Variants in CACNA2D1 observed in about 807,000 individuals in gnomAD.
The protein encoded by CACNA2D1 is calcium voltage-gated channel auxiliary subunit alpha2delta 1, also known as voltage-dependent calcium channel subunit alpha-2/delta-1.
CACNA2D1 carries 53 observed loss-of-function variants against 171.5 expected under a neutral mutation model. The observed-to-expected ratio is 0.31, with a 90% CI of 0.25 to 0.39. The LOEUF (loss-of-function observed/expected upper bound fraction) is 0.39, where lower values mean the gene tolerates loss of function less well. Among genes scored for constraint, CACNA2D1 ranks in the 10% least tolerant of loss-of-function variants. The pLI is 1.00. For missense variants in CACNA2D1, 903 were observed against 1,299.8 expected (o/e 0.69, Z 4.69); for synonymous variants, 442 against 443.1 (o/e 1.00, Z 0.03).
chr7:82,346,755 G>T (rs1265825165), intron 2 of CACNA2D1, among the ~76,000 whole-genome samples: 1 of 151,858 alleles, frequency 6.6e-6, no homozygotes, highest in East Asian at 1.9e-4. Context: ...CAGAGCTTTG[G>T]CTTCTTCTAA....
chr7:81,959,270 C>G lies in CACNA2D1; in HGVS notation c.3159+5G>C. ...TATTTTAATCCAGTAGAAGTGTGAT[C>G]TTACCAAGACATTGTTATCAAAGCA... On this transcript the variant is annotated splice_donor_5th_base_variant and intron_variant, in intron 38 of 38. Coordinates refer to ENST00000356860, the MANE Select transcript of CACNA2D1 (RefSeq NM_000722.4). 6.3e-7 allele frequency: 1 copy of G among 1,582,606 alleles called. No individual in the cohort carries two copies. The highest frequency in any genetic ancestry group is 8.7e-7 in the Non-Finnish European group (1 of 1,151,390).
intron 1 of CACNA2D1, among the ~76,000 whole-genome samples, chr7:82,396,729 C>A (rs1329455633): frequency 6.6e-6 from 1 of 152,162 alleles, no homozygotes; most frequent in African/African-American, 2.4e-5. Context: ...TGAAGGAAAT[C>A]TAACTATAAT....
chr7:82,250,880 A>G (rs1805546968), intron 3 of CACNA2D1, among the ~76,000 whole-genome samples: 1 of 152,166 alleles, frequency 6.6e-6, no homozygotes, highest in Non-Finnish European at 1.5e-5. Context: ...ATCAAAAATC[A>G]CTTACAGTTT....
At chr7:82,062,795 G>T (rs1415948303) in intron 9 of CACNA2D1, among the ~76,000 whole-genome samples, 1 of 132,702 alleles carries the variant, frequency 7.5e-6, no homozygotes, top group African/African-American at 2.9e-5. Flanking sequence ...AGGCTGGAGT[G>T]CAGGGTATGA....
chr7:82,360,131 C>G (rs1404443803), intron 1 of CACNA2D1, among the ~76,000 whole-genome samples: 2 of 152,160 alleles, frequency 1.3e-5, no homozygotes, highest in South Asian at 2.1e-4. Context: ...GTTTGGTTTT[C>G]ATTGTTAAAC....
intron 1 of CACNA2D1, among the ~76,000 whole-genome samples, chr7:82,377,093 T>C (rs1823101235): frequency 1.3e-5 from 2 of 152,178 alleles, no homozygotes; most frequent in African/African-American, 4.8e-5. Context: ...CTAGAGCTAA[T>C]CCATTATTCA....
At chr7:82,431,534 G>A (rs1829673208) in intron 1 of CACNA2D1, among the ~76,000 whole-genome samples, 1 of 152,120 alleles carries the variant, frequency 6.6e-6, no homozygotes, top group Admixed American at 6.6e-5. Flanking sequence ...AGCCAGGCGA[G>A]ATAATAGATG....
chr7:82,054,288 A>T (rs181666630), intron 10 of CACNA2D1, among the ~76,000 whole-genome samples: 1 of 152,324 alleles, frequency 6.6e-6, no homozygotes, highest in African/African-American at 2.4e-5. Flanking sequence ...CCATTTTTCC[A>T]TTCATGTCAA....
intron 4 of CACNA2D1, among the ~76,000 whole-genome samples, chr7:82,139,755 T>C (rs1243317369): frequency 6.6e-6 from 1 of 151,634 alleles, no homozygotes; most frequent in Admixed American, 6.6e-5. Flanking sequence ...CATACTCCTT[T>C]CTTGTTACTA....
intron 1 of CACNA2D1, among the ~76,000 whole-genome samples, chr7:82,438,956 A>G (rs1176624807): frequency 2.0e-5 from 3 of 152,198 alleles, no homozygotes; most frequent in Non-Finnish European, 4.4e-5. Context: ...TACGTTAGAA[A>G]TGCTTATGTC....
intron 10 of CACNA2D1, among the ~76,000 whole-genome samples, chr7:82,056,713 G>A (rs748654812): frequency 3.3e-5 from 5 of 152,042 alleles, no homozygotes; most frequent in Non-Finnish European, 7.4e-5. Context: ...TTATTATATT[G>A]CATTTTACCC....
chr7:82,235,420 A>G (rs529156320), intron 3 of CACNA2D1, among the ~76,000 whole-genome samples: 1 of 152,238 alleles, frequency 6.6e-6, no homozygotes, highest in South Asian at 2.1e-4. Context: ...ACTTTCCCTG[A>G]TGGGAGGGGC....
At chr7:82,237,341 A>C (rs1803715558) in intron 3 of CACNA2D1, among the ~76,000 whole-genome samples, 1 of 151,930 alleles carries the variant, frequency 6.6e-6, no homozygotes, top group South Asian at 2.1e-4. Context: ...TAGATCAGCA[A>C]ATTTTTACTG....
At chr7:82,137,501 A>G (rs1020017114) in intron 4 of CACNA2D1, among the ~76,000 whole-genome samples, 5 of 152,030 alleles carry the variant, frequency 3.3e-5, no homozygotes, top group Admixed American at 3.3e-4. Context: ...CATCTTCCAC[A>G]TGTCTTCAAG....
chr7:81,960,256 G>T (rs151078632), intron 36 of CACNA2D1, among the ~76,000 whole-genome samples: 2 of 152,052 alleles, frequency 1.3e-5, no homozygotes, highest in East Asian at 3.9e-4. Flanking sequence ...GAAAAGTCTG[G>T]AACAGTGCTA....
intron 1 of CACNA2D1, among the ~76,000 whole-genome samples, chr7:82,374,310 C>A (rs1204439518): frequency 6.6e-6 from 1 of 152,198 alleles, no homozygotes. Flanking sequence ...CAATACAAAA[C>A]AATATAATTG....
chr7:82,138,453 T>G (rs1241681334), intron 4 of CACNA2D1, among the ~76,000 whole-genome samples: 8 of 118,158 alleles, frequency 6.8e-5, no homozygotes, highest in African/African-American at 2.5e-4. Flanking sequence ...TTTTTTGTTT[T>G]TTTTTTTTTT....
chr7:82,167,007 A>C (rs2129142256), intron 4 of CACNA2D1, among the ~76,000 whole-genome samples: 1 of 152,166 alleles, frequency 6.6e-6, no homozygotes, highest in African/African-American at 2.4e-5. Flanking sequence ...AAGTAATATT[A>C]ATGAAACTTG....
At chr7:81,959,423 CAATGT>C (rs1240691248) in intron 37 of CACNA2D1, 66 bp from the exon 38 acceptor site, 1 of 1,080,538 alleles carries the variant, frequency 9.3e-7, no homozygotes, top group Non-Finnish European at 1.4e-6. Context: ...AAATACAATG[CAATGT>C]ATTTCCCAAA....
Sources: gnomAD v4.1 joint callset for allele counts (sites outside exome capture counted in the v4.1 genomes callset) on GRCh38, gnomAD v4.1.1 for gene constraint, MANE v1.5 for transcripts, NCBI Gene and HGNC (gene_info 2026-07-23, HGNC 2026-07-21) for gene names.